DPH6: variants seen among roughly 807,000 people sequenced by gnomAD.
DPH6 encodes the protein diphthamine biosynthesis 6, also known as diphthine--ammonia ligase.
DPH6 carries 33 observed loss-of-function variants against 38.2 expected under a neutral mutation model. That is an observed-to-expected ratio of 0.86 (90% CI 0.65 to 1.15). The LOEUF is 1.15. Among genes scored for constraint, DPH6 ranks in the 50% most tolerant of loss-of-function variants. DPH6 has a pLI of 0.00. For synonymous variants in DPH6, 108 were observed against 103.0 expected (o/e 1.05, Z -0.30); for missense variants, 325 against 320.0 (o/e 1.02, Z -0.12).
chr15:35,319,238 T>TA (rs2052218982), intron 3 of DPH6, among the ~76,000 whole-genome samples: 1 of 151,920 alleles, frequency 6.6e-6, no homozygotes, highest in South Asian at 2.1e-4. Context: ...AAAAGAAAAT[T>TA]AAAAAACCCC....
chr15:35,489,742 A>G (rs1011285121), intron 3 of DPH6: 2 of 980,584 alleles, frequency 2.0e-6, no homozygotes, highest in Non-Finnish European at 2.4e-6. Context: ...GGAACAGTAT[A>G]CAGAAACTAT....
chr15:35,262,638 G>C (rs574455518), intron 3 of DPH6, among the ~76,000 whole-genome samples: 1 of 146,008 alleles, frequency 6.8e-6, no homozygotes. Context: ...CCCGGGAGGC[G>C]GAGCTTGCAG....
intron 4 of DPH6, among the ~76,000 whole-genome samples, chr15:35,453,567 C>T (rs1435300475): frequency 1.3e-5 from 2 of 152,144 alleles, no homozygotes; most frequent in Non-Finnish European, 2.9e-5. Flanking sequence ...GGTAGATCTA[C>T]ATCTAGGTAG....
chr15:35,322,067 G>C (rs1045825151), intron 3 of DPH6, among the ~76,000 whole-genome samples: 2 of 152,244 alleles, frequency 1.3e-5, no homozygotes, highest in African/African-American at 4.8e-5. Context: ...ACCTCCGGTG[G>C]GGCTGCAGGA....
At chr15:35,505,966 G>A (rs371645261) in intron 3 of DPH6, among the ~76,000 whole-genome samples, 1 of 152,008 alleles carries the variant, frequency 6.6e-6, no homozygotes, top group African/African-American at 2.4e-5. Context: ...ATACTCTAAA[G>A]AGAACAGCTG....
chr15:35,508,338 A>G (rs551702797), intron 3 of DPH6, among the ~76,000 whole-genome samples: 2 of 152,180 alleles, frequency 1.3e-5, no homozygotes, highest in South Asian at 4.1e-4. Context: ...CATAATAAAC[A>G]TATCTATGCC....
intron 5 of DPH6, among the ~76,000 whole-genome samples, chr15:35,435,177 A>T (rs530078570): frequency 6.6e-6 from 1 of 152,308 alleles, no homozygotes; most frequent in South Asian, 2.1e-4. Context: ...CCCTTCCACA[A>T]AAATACACCT....
At chr15:35,172,217 A>C in the DPH6 span, among the ~76,000 whole-genome samples, 4 of 152,178 alleles carry the variant, frequency 2.6e-5, no homozygotes, top group Non-Finnish European at 4.4e-5. Flanking sequence ...GTTTGTGTAC[A>C]TTGAACCACC....
chr15:35,496,567 AATATATATATAT>A (rs1165939476), intron 3 of DPH6, among the ~76,000 whole-genome samples: 1 of 31,016 alleles, frequency 3.2e-5, no homozygotes, highest in Non-Finnish European at 5.3e-5. Context: ...AAAAAAAAAA[AATATATATATAT>A]ATATATATAT....
At chr15:35,338,410 A>G (rs1380277008) in intron 3 of DPH6, among the ~76,000 whole-genome samples, 1 of 152,238 alleles carries the variant, frequency 6.6e-6, no homozygotes, top group East Asian at 1.9e-4. Flanking sequence ...ACATTTATGC[A>G]GCCAAAAAAC....
At chr15:35,334,045 A>G (rs2052348443) in intron 3 of DPH6, among the ~76,000 whole-genome samples, 1 of 151,482 alleles carries the variant, frequency 6.6e-6, no homozygotes, top group South Asian at 2.1e-4. Context: ...CACGGATCTA[A>G]ATACTCTTAA....
chr15:35,541,447 A>C (rs2055251941), intron 2 of DPH6, among the ~76,000 whole-genome samples: 2 of 152,140 alleles, frequency 1.3e-5, no homozygotes, highest in South Asian at 4.1e-4. Context: ...GAAGCTTATA[A>C]TCAATCCATT....
At chr15:35,378,153 A>G (rs1462737326) in intron 7 of DPH6, among the ~76,000 whole-genome samples, 1 of 152,258 alleles carries the variant, frequency 6.6e-6, no homozygotes, top group Non-Finnish European at 1.5e-5. Context: ...AACCCCATCA[A>G]AAAGTGGGCA....
At chr15:35,508,051 C>T (rs1256415985) in intron 3 of DPH6, among the ~76,000 whole-genome samples, 5 of 151,864 alleles carry the variant, frequency 3.3e-5, no homozygotes, top group Non-Finnish European at 7.4e-5. Context: ...CTCAAGAATG[C>T]GCTGACTGAA....
chr15:35,490,474 T>C (rs1171059596), intron 3 of DPH6, among the ~76,000 whole-genome samples: 1 of 152,178 alleles, frequency 6.6e-6, no homozygotes, highest in Non-Finnish European at 1.5e-5. Flanking sequence ...AGGTCCATGA[T>C]TATACAAAAG....
At position 35,237,556 on chromosome 15, in the gene DPH6, G is replaced by C. The variant is rs745595671; in HGVS notation, n.201-16974C>G. The C allele has an allele frequency of 3.1e-4, 475 of 1,550,420 alleles. 1 individual carries two copies. Among genetic ancestry groups the C allele is most frequent in the Non-Finnish European group, 3.6e-4 (407 of 1,122,742 alleles). The stretch of plus-strand genomic sequence containing the variant: ...TTGAACTAAGCGATAACAGAGTCTC[G>C]GGGGGCGTGGAAGCATTGGCAGAAA... On this transcript the variant is annotated intron_variant and non_coding_transcript_variant, in intron 3 of 3. Coordinates refer to the DPH6 transcript ENST00000560386.
At chr15:35,218,023 A>T (rs2051420206) in exon 4 of DPH6, 1 of 152,206 alleles carries the variant, frequency 6.6e-6, no homozygotes, top group Non-Finnish European at 1.5e-5. Flanking sequence ...ACAAGAATAA[A>T]GTCTGTACGT....
At position 35,397,868 on chromosome 15, in the gene DPH6, TACACAC is replaced by T. The variant is rs57530358; in HGVS notation, c.567+12961_567+12966del. Among the ~76,000 whole-genome samples the T allele has an allele frequency of 4.8e-4, 42 of 87,302 alleles. 1 individual carries two copies. The highest frequency in any genetic ancestry group is 3.1e-3 in the East Asian group (9 of 2,936). The allele number at this position is 87,302 out of a possible 152,430, so 57.3% of individuals were successfully genotyped here. On this transcript the variant is annotated intron_variant, in intron 6 of 8. Transcript: ENST00000256538. Reference sequence around the variant, plus strand: ...AATAGATGGAATCAATTTATATATATACACACACACACACACACACACACACACACA... The same window carrying T: ...AATAGATGGAATCAATTTATATATATACACACACACACACACACACACACA...
At chr15:35,216,758 T>C (rs917506549), downstream of DPH6, among the ~76,000 whole-genome samples, 4 of 152,224 alleles carry the variant, frequency 2.6e-5, no homozygotes, top group African/African-American at 4.8e-5. Context: ...AAGAGGGCCA[T>C]TGAATCACTT....
Sources: allele counts gnomAD v4.1 joint callset (sites outside exome capture counted in the v4.1 genomes callset), GRCh38; gene constraint gnomAD v4.1.1; transcripts MANE v1.5; gene names NCBI Gene and HGNC (gene_info 2026-07-23, HGNC 2026-07-21).